The following ZBTB10 variants were observed in gnomAD, a reference collection of about 807,000 sequenced individuals.
ZBTB10 encodes zinc finger and BTB domain-containing protein 10.
Under a neutral mutation model 76.4 loss-of-function variants are expected in ZBTB10, and 32 were observed. The observed-to-expected ratio is 0.42, with a 90% confidence interval of 0.32 to 0.56. The LOEUF is 0.56. Among genes scored for constraint, ZBTB10 ranks in the 20% least tolerant of loss-of-function variants. The pLI is 0.14. For missense variants in ZBTB10, 1,057 were observed against 1,098.5 expected (o/e 0.96, Z 0.53); for synonymous variants, 523 against 432.9 (o/e 1.21, Z -2.58).
chr8:80,493,430 A>G (rs954197454), intron 1 of ZBTB10, among the ~76,000 whole-genome samples: 6 of 152,204 alleles, frequency 3.9e-5, no homozygotes, highest in African/African-American at 1.4e-4. Flanking sequence ...GAGAATCATT[A>G]TCAAATGTGT....
chr8:80,490,076 A>G (rs186727399), intron 1 of ZBTB10, among the ~76,000 whole-genome samples: 7 of 152,216 alleles, frequency 4.6e-5, no homozygotes, highest in African/African-American at 1.7e-4. Flanking sequence ...CCAATTACCT[A>G]TAGGAGGCAG....
Position 80,519,671 on chromosome 8 carries a change from T to C in ZBTB10, c.*143T>C, listed in dbSNP as rs1415711697. 4.9e-6 allele frequency: 5 copies of C among 1,028,308 alleles called. No homozygotes were observed. The African/African-American group carries it at 8.1e-5, about 17-fold the overall frequency. 63.7% of individuals were successfully genotyped at this position (1,028,308 alleles called of 1,614,324 possible). A position where few individuals can be genotyped will look rare whatever the true frequency, so the allele number is the denominator to read the frequency against. ...TGTGAAAACTGTAGGGTCAAAGCCT[T>C]ATAGCAAAAAAAATTTTTTTTTATA... On this transcript the variant is annotated 3_prime_UTR_variant, in exon 6 of 6. Coordinates refer to ENST00000455036, the MANE Select transcript of ZBTB10 (RefSeq NM_001105539.3).
Position 80,486,486 on chromosome 8 carries a change from T to C in ZBTB10, c.-325T>C. On this transcript the variant is annotated 5_prime_UTR_variant, in exon 1 of 6. Coordinates refer to ENST00000455036, the MANE Select transcript of ZBTB10 (RefSeq NM_001105539.3). Reference sequence around the variant, plus strand: ...CGCTGCTCAACTTCGAAGGCCTCGCTCGCTGCAGGCTCGCTCCTCACCTCT... The same window carrying C: ...CGCTGCTCAACTTCGAAGGCCTCGCCCGCTGCAGGCTCGCTCCTCACCTCT... 1 of 985,236 alleles carries C rather than the reference T, an allele frequency of 1.0e-6. No homozygotes were observed. The highest frequency in any genetic ancestry group is 1.2e-6 in the Non-Finnish European group (1 of 830,032). The allele number at this position is 985,236 out of a possible 1,614,324, so 61.0% of individuals were successfully genotyped here.
intron 3 of ZBTB10, among the ~76,000 whole-genome samples, chr8:80,516,743 G>A (rs1465054675): frequency 6.6e-6 from 1 of 152,190 alleles, no homozygotes; most frequent in Admixed American, 6.5e-5. Context: ...ATATTTTAGA[G>A]ACATTTTTAC....
In ZBTB10 at chr8:80,522,850, A is replaced by G. The variant is rs1323053352; in HGVS notation, c.*3322A>G. On this transcript the variant is annotated 3_prime_UTR_variant, in exon 6 of 6. Transcript: ENST00000455036. ...ACTTGGGCATTTATATTAATACAAA[A>G]TGGTGTAAACGGCCTGAATATCACT... 2.0e-5 allele frequency: 3 copies of G among 151,928 alleles called. No individual in the cohort carries two copies. Among genetic ancestry groups the G allele is most frequent in the African/African-American group, 7.2e-5 (3 of 41,452 alleles). The allele number at this position is 151,928 out of a possible 1,614,324, so 9.4% of individuals were successfully genotyped here. A position where few individuals can be genotyped will look rare whatever the true frequency, so the allele number is the denominator to read the frequency against.
rs1202286592 is a variant in ZBTB10 at position 80,521,831 on chromosome 8, A to T, written c.*2303A>T. 6.6e-6 allele frequency: 1 copy of T among 151,824 alleles called. No homozygotes were observed. Among genetic ancestry groups the T allele is most frequent in the Non-Finnish European group, 1.5e-5 (1 of 67,778 alleles). The allele number at this position is 151,824 out of a possible 1,614,324, so 9.4% of individuals were successfully genotyped here. On this transcript the variant is annotated 3_prime_UTR_variant, in exon 6 of 6. Transcript: ENST00000455036. ...TAGTTGGAAATAAGGTTTGATGTAG[A>T]TGGCTTGTTACTGTTAATTTAAAAT...
At chr8:80,502,827 A>C (rs1377521587) in intron 2 of ZBTB10, among the ~76,000 whole-genome samples, 1 of 152,182 alleles carries the variant, frequency 6.6e-6, no homozygotes, top group Non-Finnish European at 1.5e-5. Context: ...CATTTGTACT[A>C]TGTAAACAAA....
chr8:80,486,901 G>C lies in ZBTB10; in HGVS notation c.91G>C (p.Ala31Pro), dbSNP rs1815478706. The C allele has an allele frequency of 6.6e-7, 1 of 1,511,232 alleles. No individual in the cohort carries two copies. The highest frequency in any genetic ancestry group is 2.7e-5 in the East Asian group (1 of 36,526). 93.6% of individuals were successfully genotyped at this position (1,511,232 alleles called of 1,614,324 possible). A position where few individuals can be genotyped will look rare whatever the true frequency, so the allele number is the denominator to read the frequency against. Residue 31 changes from alanine to proline, a missense_variant, in exon 1 of 6, where the codon GCT becomes CCT. Physicochemically the swap from Ala to Pro is conservative, Grantham distance 27. This residue lies in a region of ZBTB10 where 556 missense variants were observed against 451.7 expected (regional missense o/e 1.23). Coordinates refer to ENST00000455036, the MANE Select transcript of ZBTB10 (RefSeq NM_001105539.3). ...CGGCGGCGGCTCCACGAACAATAAC[G>C]CTGGCGGGGAGGCCTCAGCTTGGCC... ...ASGGGSTNNN[A>P]GGEASAWPPQ...
chr8:80,511,666 T>A (rs974415336), intron 2 of ZBTB10, among the ~76,000 whole-genome samples: 1 of 152,188 alleles, frequency 6.6e-6, no homozygotes, highest in Non-Finnish European at 1.5e-5. Flanking sequence ...ATTATTGAAA[T>A]ACATTTAACT....
intron 1 of ZBTB10, among the ~76,000 whole-genome samples, chr8:80,493,002 T>G (rs867259314): frequency 1.3e-5 from 2 of 151,222 alleles, no homozygotes; most frequent in Non-Finnish European, 1.5e-5. Context: ...TCACTTGAGG[T>G]CAGGACTTCG....
At chr8:80,513,817 TTTTA>T in intron 2 of ZBTB10, 89 bp from the exon 3 acceptor site, 1 of 1,006,710 alleles carries the variant, frequency 9.9e-7, no homozygotes, top group Middle Eastern at 2.0e-4. Flanking sequence ...AGATGGTACT[TTTTA>T]TTTAAGAAAC....
rs1052446236 is a variant in ZBTB10 at position 80,487,312 on chromosome 8, C to T, written c.502C>T (p.Leu168=). The change falls in exon 1 of 6, where the codon CTG becomes TTG. Residue 168 remains leucine, a synonymous_variant. Transcript: ENST00000455036. ...GACTGTGGATCTGGAGCTGGACGCG[C>T]TGGAGGGGAAGGAGTTGATGCAGGA... ...PATVDLELDA[L]EGKELMQDGA... The T allele has an allele frequency of 1.3e-6, 2 of 1,544,100 alleles. No homozygotes were observed. Among genetic ancestry groups the T allele is most frequent in the Non-Finnish European group, 1.7e-6 (2 of 1,143,456 alleles).
In ZBTB10 at chr8:80,487,537, A is replaced by G. The variant is rs201044760; in HGVS notation, c.727A>G (p.Met243Val). 6.3e-7 allele frequency: 1 copy of G among 1,589,300 alleles called. No individual in the cohort carries two copies. Among genetic ancestry groups the G allele is most frequent in the Non-Finnish European group, 8.6e-7 (1 of 1,167,730 alleles). Residue 243 changes from methionine (M) to valine (V), a missense_variant, in exon 1 of 6, where the codon ATG becomes GTG. Physicochemically the swap from Met to Val is conservative, Grantham distance 21 (BLOSUM62 1). Transcript: ENST00000455036. Reference sequence around the variant, plus strand: ...CCCGCTCGCGCGGCCCAAGTCTCTAATGCAGAAGCTCCAATGCTCCTTCCA... The same window carrying G: ...CCCGCTCGCGCGGCCCAAGTCTCTAGTGCAGAAGCTCCAATGCTCCTTCCA... ...HFPLARPKSL[M>V]QKLQCSFQTS...
At chr8:80,499,010 A>G (rs574135038) in intron 1 of ZBTB10, among the ~76,000 whole-genome samples, 1 of 152,300 alleles carries the variant, frequency 6.6e-6, no homozygotes, top group Non-Finnish European at 1.5e-5. Context: ...TTTGATTTTA[A>G]TGTTTGCCAA....
chr8:80,499,338 G>T (rs765532627), intron 1 of ZBTB10, among the ~76,000 whole-genome samples, 156 bp from the exon 2 acceptor site: 1 of 151,970 alleles, frequency 6.6e-6, no homozygotes, highest in Admixed American at 6.5e-5. Flanking sequence ...TAATAGCAGT[G>T]GGTTGCACCA....
rs375071529 is a variant in ZBTB10 at position 80,493,207 on chromosome 8, G to GCGCGCACACACACA, written c.972+5426_972+5427insGCGCACACACACAC. On this transcript the variant is annotated intron_variant, in intron 1 of 5. Coordinates refer to ENST00000455036, the MANE Select transcript of ZBTB10 (RefSeq NM_001105539.3). ...TGTGCCTCAAAACGCGCGCGCGCGC[G>GCGCGCACACACACA]CACACACACACACACACACACACAC... 9.9e-4 allele frequency among the ~76,000 whole-genome samples: 124 copies of GCGCGCACACACACA among 125,284 alleles called. 1 individual carries two copies. The highest frequency in any genetic ancestry group is 2.4e-3 in the East Asian group (10 of 4,168). The allele number at this position is 125,284 out of a possible 152,430, so 82.2% of individuals were successfully genotyped here.
rs1289931357 is a variant in ZBTB10 at position 80,486,897 on chromosome 8, T to C, written c.87T>C (p.Asn29=). ...CTAGCGGCGGCGGCTCCACGAACAA[T>C]AACGCTGGCGGGGAGGCCTCAGCTT... is the stretch of plus-strand genomic sequence containing the variant. ...VTASGGGSTN[N]NAGGEASAWP... The change falls in exon 1 of 6, where the codon AAT becomes AAC. Residue 29 remains asparagine (N), a synonymous_variant. Transcript: ENST00000455036. 5.3e-6 allele frequency: 8 copies of C among 1,511,522 alleles called. No individual in the cohort carries two copies. In the African/African-American group the frequency reaches 1.2e-4, roughly 22 times the overall value. 93.6% of individuals were successfully genotyped at this position (1,511,522 alleles called of 1,614,324 possible).
At chr8:80,510,647 T>A (rs73691909) in intron 2 of ZBTB10, among the ~76,000 whole-genome samples, 3 of 90,438 alleles carry the variant, frequency 3.3e-5, no homozygotes, top group Admixed American at 1.9e-4. Context: ...CCAGTGTGTG[T>A]GTGTGTGTGT....
rs568923264 is a variant in ZBTB10, at chr8:80,511,656, A to G, written c.1862-2254A>G. ...CATGCCTGGCCAATTTTATTTTTTGATTATTGAAATACATTTAACTTTAAG... is the reference window on the plus strand; with the variant it reads ...CATGCCTGGCCAATTTTATTTTTTGGTTATTGAAATACATTTAACTTTAAG... On this transcript the variant is annotated intron_variant, in intron 2 of 5. Transcript: ENST00000455036. 4.4e-4 allele frequency among the ~76,000 whole-genome samples: 67 copies of G among 152,270 alleles called. No individual in the cohort carries two copies. The South Asian group carries it at 0.013, about 29-fold the overall frequency.
Sources: allele counts gnomAD v4.1 joint callset (sites outside exome capture counted in the v4.1 genomes callset), GRCh38; gene constraint gnomAD v4.1.1; regional missense constraint gnomAD v4.1.1; transcripts MANE v1.5; gene names NCBI Gene and HGNC (gene_info 2026-07-23, HGNC 2026-07-21).